CTNNA2: variants seen among roughly 807,000 people sequenced by gnomAD.
CTNNA2 encodes catenin alpha 2.
CTNNA2 carries 42 observed loss-of-function variants against 101.0 expected under a neutral mutation model. That is an observed-to-expected ratio of 0.42 (90% confidence interval 0.32 to 0.54). The LOEUF is 0.54. Among genes scored for constraint, CTNNA2 ranks in the 20% least tolerant of loss-of-function variants. CTNNA2 has a pLI of 0.14. For synonymous variants in CTNNA2, 450 were observed against 456.4 expected, an observed-to-expected ratio of 0.99 and a Z score of 0.18; for missense variants, 871 against 1,223.1, an observed-to-expected ratio of 0.71 and a Z score of 4.29.
At chr2:79,999,984 C>A (rs1692829447) in intron 7 of CTNNA2, among the ~76,000 whole-genome samples, 1 of 152,102 alleles carries the variant, frequency 6.6e-6, no homozygotes, top group Admixed American at 6.6e-5. Flanking sequence ...TGGGGAGGAA[C>A]TGCAGTAATT....
chr2:79,869,220 A>G (rs1682390161), intron 4 of CTNNA2, among the ~76,000 whole-genome samples: 1 of 151,970 alleles, frequency 6.6e-6, no homozygotes, highest in Admixed American at 6.6e-5. Flanking sequence ...CCCCCATTCC[A>G]CTCCAGTTGA....
intron 2 of CTNNA2, among the ~76,000 whole-genome samples, chr2:79,668,063 A>G (rs1267750862): frequency 6.7e-6 from 1 of 149,152 alleles, no homozygotes; most frequent in Non-Finnish European, 1.5e-5. Flanking sequence ...ACAAGGTGAA[A>G]CCCCGTCTCT....
chr2:80,372,633 C>T (rs1423368288), intron 7 of CTNNA2, among the ~76,000 whole-genome samples: 1 of 150,456 alleles, frequency 6.6e-6, no homozygotes, highest in Non-Finnish European at 1.5e-5. Flanking sequence ...AGTAGACACC[C>T]AAAAAATAGA....
At chr2:80,087,885 C>T (rs1353290995) in intron 7 of CTNNA2, among the ~76,000 whole-genome samples, 5 of 151,790 alleles carry the variant, frequency 3.3e-5, no homozygotes, top group African/African-American at 1.2e-4. Flanking sequence ...TTTTTCTCTC[C>T]CTAGTCTCAC....
intron 2 of CTNNA2, among the ~76,000 whole-genome samples, chr2:79,209,118 C>T (rs1674137443): frequency 6.6e-6 from 1 of 152,114 alleles, no homozygotes; most frequent in South Asian, 2.1e-4. Context: ...GAATTCAAGA[C>T]CAGCCTGGGC....
At chr2:80,561,260 G>A (rs558201111) in intron 12 of CTNNA2, among the ~76,000 whole-genome samples, 3 of 152,134 alleles carry the variant, frequency 2.0e-5, no homozygotes, top group South Asian at 2.1e-4. Flanking sequence ...AAGTTACTTC[G>A]GCATGACTAA....
chr2:79,650,883 G>A lies in CTNNA2; in HGVS notation c.-5-669G>A, dbSNP rs181285667. Among the ~76,000 whole-genome samples, 1,228 of 148,052 alleles carry A rather than the reference G, an allele frequency of 8.3e-3. 24 individuals are homozygous for A. The highest frequency in any genetic ancestry group is 0.028 in the African/African-American group (1,113 of 39,948). ...TTCCCACCTATGAGTGAGAATATGC[G>A]GTGTGTGGTTTTTTGTTCTTGCAAT... is the stretch of plus-strand genomic sequence containing the variant. On this transcript the variant is annotated intron_variant, in intron 1 of 18. Coordinates refer to ENST00000402739, the MANE Select transcript of CTNNA2 (RefSeq NM_001282597.3).
intron 2 of CTNNA2, among the ~76,000 whole-genome samples, chr2:79,242,888 A>G (rs1202655488): frequency 6.6e-6 from 1 of 151,046 alleles, no homozygotes; most frequent in African/African-American, 2.4e-5. Context: ...GGATTCGTTG[A>G]GGGGGGAGTA....
At chr2:80,356,054 T>C (rs1573821359) in intron 7 of CTNNA2, among the ~76,000 whole-genome samples, 1 of 152,296 alleles carries the variant, frequency 6.6e-6, no homozygotes, top group East Asian at 1.9e-4. Context: ...AATTATATAA[T>C]AGTTTGGCCC....
intron 7 of CTNNA2, among the ~76,000 whole-genome samples, chr2:79,998,425 T>C (rs1193342864): frequency 1.3e-5 from 2 of 152,210 alleles, no homozygotes; most frequent in Non-Finnish European, 2.9e-5. Flanking sequence ...ATGAGAAGAA[T>C]GTTTCATGCA....
intron 7 of CTNNA2, among the ~76,000 whole-genome samples, chr2:80,307,095 G>A (rs1252094798): frequency 6.7e-6 from 1 of 148,780 alleles, no homozygotes; most frequent in Non-Finnish European, 1.5e-5. Context: ...ATTGCTTTTT[G>A]CATTATTATC....
Position 80,647,576 on chromosome 2 carries a change from C to T in CTNNA2, c.2575-9C>T. 6.3e-7 allele frequency: 1 copy of T among 1,588,598 alleles called. No homozygotes were observed. The highest frequency in any genetic ancestry group is 1.7e-4 in the Middle Eastern group (1 of 5,894). On this transcript the variant is annotated splice_polypyrimidine_tract_variant and intron_variant, in intron 18 of 18. Transcript: ENST00000402739. Reference sequence around the variant, plus strand: ...AACCCACATGTATCTCATTCTTTTCCTACTCTAGCTGGACAGTGCCACATC... The same window carrying T: ...AACCCACATGTATCTCATTCTTTTCTTACTCTAGCTGGACAGTGCCACATC...
chr2:79,604,717 G>T (rs1355898327), intron 1 of CTNNA2, among the ~76,000 whole-genome samples: 3 of 152,148 alleles, frequency 2.0e-5, no homozygotes, highest in Non-Finnish European at 4.4e-5. Context: ...TCTAACAAAT[G>T]TTTACACCAG....
intron 15 of CTNNA2, among the ~76,000 whole-genome samples, chr2:80,592,393 A>G (rs1213306250): frequency 6.6e-6 from 1 of 152,150 alleles, no homozygotes; most frequent in Non-Finnish European, 1.5e-5. Context: ...TGTTTTCACA[A>G]AATAAAAATC....
chr2:80,112,737 A>G (rs545816798), intron 7 of CTNNA2, among the ~76,000 whole-genome samples: 2 of 152,276 alleles, frequency 1.3e-5, no homozygotes, highest in East Asian at 1.9e-4. Context: ...ACCTACCTGC[A>G]TTTTTGCGCA....
Position 79,263,574 on chromosome 2 carries a change from T to C in CTNNA2, c.-405-49135T>C, listed in dbSNP as rs533179686. Among the ~76,000 whole-genome samples the C allele has an allele frequency of 4.6e-5, 7 of 152,292 alleles. No homozygotes were observed. In the South Asian group the frequency reaches 1.5e-3, roughly 32 times the overall value. On this transcript the variant is annotated intron_variant, in intron 2 of 21. Coordinates refer to the CTNNA2 transcript ENST00000466387. Reference sequence around the variant, plus strand: ...AGCCTCGGATATTTATTTATAGCAATGCAAAAACAGACTAATACCATCTCC... The same window carrying C: ...AGCCTCGGATATTTATTTATAGCAACGCAAAAACAGACTAATACCATCTCC...
At chr2:79,589,938 C>G (rs994554501) in intron 1 of CTNNA2, among the ~76,000 whole-genome samples, 4 of 152,214 alleles carry the variant, frequency 2.6e-5, no homozygotes, top group Non-Finnish European at 2.9e-5. Flanking sequence ...GCTCCCTCTT[C>G]TAGGTATACA....
chr2:80,629,356 G>A (rs1235660591), intron 18 of CTNNA2, among the ~76,000 whole-genome samples: 1 of 152,104 alleles, frequency 6.6e-6, no homozygotes, highest in Non-Finnish European at 1.5e-5. Flanking sequence ...AACCTCAATA[G>A]AAGTGAAACA....
intron 2 of CTNNA2, among the ~76,000 whole-genome samples, chr2:79,677,026 C>G (rs1683232321): frequency 6.6e-6 from 1 of 152,138 alleles, no homozygotes. Flanking sequence ...ACCTTCTAGG[C>G]TCAAGTGATC....
Sources: gnomAD v4.1 joint callset for allele counts (sites outside exome capture counted in the v4.1 genomes callset) on GRCh38, gnomAD v4.1.1 for gene constraint, MANE v1.5 for transcripts, NCBI Gene and HGNC (gene_info 2026-07-23, HGNC 2026-07-21) for gene names.